Variants in IMMP2L observed in about 807,000 individuals in gnomAD.
IMMP2L encodes mitochondrial inner membrane protease subunit 2.
A neutral mutation model predicts 19.3 loss-of-function variants in IMMP2L; 18 were observed. The observed-to-expected ratio is 0.93, with a 90% CI of 0.64 to 1.38. The LOEUF is 1.38. IMMP2L is among the 40% of genes most tolerant of loss of function. IMMP2L has a pLI of 0.00. For missense variants in IMMP2L, 233 were observed against 218.2 expected (o/e 1.07, Z -0.43); for synonymous variants, 76 against 73.0 (o/e 1.04, Z -0.21).
At chr7:111,406,236 G>C (rs1833891542) in intron 3 of IMMP2L, among the ~76,000 whole-genome samples, 1 of 151,942 alleles carries the variant, frequency 6.6e-6, no homozygotes, top group African/African-American at 2.4e-5. Context: ...AAAAACTTCA[G>C]AATCCTCCTT....
intron 3 of IMMP2L, among the ~76,000 whole-genome samples, chr7:111,092,894 A>G (rs1797013306): frequency 6.6e-6 from 1 of 152,202 alleles, no homozygotes; most frequent in African/African-American, 2.4e-5. Flanking sequence ...CTAACCACAC[A>G]GTTAACAGAG....
intron 5 of IMMP2L, among the ~76,000 whole-genome samples, chr7:110,868,117 T>TGTGTGTGTGTGTGTGTGTG (rs1808167469): frequency 1.4e-5 from 2 of 144,476 alleles, no homozygotes; most frequent in South Asian, 2.3e-4. Context: ...CTTGTGAGGT[T>TGTGTGTGTGTGTGTGTGTG]TGTGTGTGTG....
At chr7:110,732,694 A>T (rs4730453) in intron 5 of IMMP2L, among the ~76,000 whole-genome samples, 36,793 of 152,132 alleles carry the variant, frequency 0.24, 4,763 homozygotes, top group Middle Eastern at 0.3. Context: ...GTTATTTCCT[A>T]GGTGCAGAAC....
chr7:111,552,631 A>G (rs1790808618), intron 1 of IMMP2L, among the ~76,000 whole-genome samples: 1 of 152,178 alleles, frequency 6.6e-6, no homozygotes, highest in Non-Finnish European at 1.5e-5. Flanking sequence ...AAGGACTCTC[A>G]CATAAATGCT....
intron 3 of IMMP2L, among the ~76,000 whole-genome samples, chr7:111,401,074 C>T (rs1408961220): frequency 6.6e-6 from 1 of 152,040 alleles, no homozygotes; most frequent in Admixed American, 6.6e-5. Context: ...TTGGACAGAA[C>T]AGATTTGCTT....
In IMMP2L at chr7:111,320,829, A is replaced by G. The variant is rs930210172; in HGVS notation, c.239+166409T>C. On this transcript the variant is annotated intron_variant, in intron 3 of 5. Transcript: ENST00000405709. ...AAAGCACCCTATGCTTATAGTTATCATACCATACAGTACTGTTTACTTTGT... is the reference window on the plus strand; with the variant it reads ...AAAGCACCCTATGCTTATAGTTATCGTACCATACAGTACTGTTTACTTTGT... Among the ~76,000 whole-genome samples the G allele has an allele frequency of 3.3e-5, 5 of 152,142 alleles. No homozygotes were observed. The South Asian group carries it at 6.2e-4, about 19-fold the overall frequency.
At chr7:110,729,675 T>C (rs1228691250) in intron 5 of IMMP2L, among the ~76,000 whole-genome samples, 1 of 152,208 alleles carries the variant, frequency 6.6e-6, no homozygotes, top group East Asian at 1.9e-4. Context: ...CTCAAAGCAA[T>C]GTATCTGTTC....
intron 3 of IMMP2L, among the ~76,000 whole-genome samples, chr7:110,994,055 T>C (rs779868234): frequency 6.6e-6 from 1 of 152,122 alleles, no homozygotes; most frequent in African/African-American, 2.4e-5. Flanking sequence ...GTGCCATCTC[T>C]AATGCCAGCA....
At chr7:111,422,392 T>A (rs766215987) in intron 3 of IMMP2L, among the ~76,000 whole-genome samples, 1 of 151,792 alleles carries the variant, frequency 6.6e-6, no homozygotes, top group Non-Finnish European at 1.5e-5. Flanking sequence ...TCCTCTTCTA[T>A]TTCATTGAGC....
intron 5 of IMMP2L, among the ~76,000 whole-genome samples, chr7:110,732,957 T>A (rs942858880): frequency 6.6e-6 from 1 of 152,058 alleles, no homozygotes; most frequent in South Asian, 2.1e-4. Context: ...GGCTAATTTT[T>A]AAAAATATTC....
chr7:110,953,629 A>C (rs1436509054), intron 4 of IMMP2L, among the ~76,000 whole-genome samples: 3 of 152,126 alleles, frequency 2.0e-5, no homozygotes, highest in African/African-American at 7.2e-5. Context: ...CAATAAACAT[A>C]TATGTGCATG....
chr7:110,781,256 T>G (rs1799720840), intron 5 of IMMP2L, among the ~76,000 whole-genome samples: 2 of 151,888 alleles, frequency 1.3e-5, no homozygotes, highest in South Asian at 4.1e-4. Flanking sequence ...GGTGTTCCTA[T>G]TTTTCCTCCA....
At chr7:111,135,624 T>G (rs540369433) in intron 3 of IMMP2L, among the ~76,000 whole-genome samples, 1 of 152,342 alleles carries the variant, frequency 6.6e-6, no homozygotes, top group African/African-American at 2.4e-5. Context: ...TGCCACATTA[T>G]TATTTTAAAA....
intron 5 of IMMP2L, among the ~76,000 whole-genome samples, chr7:110,759,575 T>C (rs896500672): frequency 1.3e-5 from 2 of 152,110 alleles, no homozygotes; most frequent in African/African-American, 4.8e-5. Flanking sequence ...TTTTCAAAAA[T>C]GGCTATGGTA....
intron 3 of IMMP2L, among the ~76,000 whole-genome samples, chr7:111,337,153 G>A (rs888104313): frequency 6.6e-6 from 1 of 151,928 alleles, no homozygotes; most frequent in African/African-American, 2.4e-5. Flanking sequence ...TCTATCTAAT[G>A]CAACGAACAT....
intron 3 of IMMP2L, among the ~76,000 whole-genome samples, chr7:110,981,279 AAG>A (rs1353510362): frequency 1.3e-5 from 2 of 152,096 alleles, no homozygotes; most frequent in African/African-American, 4.8e-5. Flanking sequence ...AAAAGAAAAA[AAG>A]AAAATTATTG....
chr7:111,556,620 TG>T (rs11339525), intron 1 of IMMP2L, among the ~76,000 whole-genome samples: 115,832 of 151,882 alleles, frequency 0.76, 46,428 homozygotes, highest in East Asian at 0.97. Context: ...CATTGATGAT[TG>T]TAACTTTACA....
At chr7:111,499,797 G>C (rs918875046) in intron 2 of IMMP2L, among the ~76,000 whole-genome samples, 12 of 152,086 alleles carry the variant, frequency 7.9e-5, no homozygotes, top group Non-Finnish European at 1.6e-4. Flanking sequence ...TCTGGGCTTT[G>C]GGCTCTTTTT....
chr7:110,951,103 G>T lies in IMMP2L; in HGVS notation c.305+12397C>A, dbSNP rs536134832. 2.0e-5 allele frequency among the ~76,000 whole-genome samples: 3 copies of T among 151,288 alleles called. No individual in the cohort carries two copies. The South Asian group carries it at 6.2e-4, about 32-fold the overall frequency. ...TCATAGAAACAGAGAGTAGAAGGGG[G>T]TTACCAGGAGCTGGGGGAGGTGGTG... On this transcript the variant is annotated intron_variant, in intron 4 of 5. Transcript: ENST00000405709.
Sources: gnomAD v4.1 joint callset for allele counts (sites outside exome capture counted in the v4.1 genomes callset) on GRCh38, gnomAD v4.1.1 for gene constraint, MANE v1.5 for transcripts, NCBI Gene and HGNC (gene_info 2026-07-23, HGNC 2026-07-21) for gene names.